The following HADHA variants were observed in gnomAD, a reference collection of about 807,000 sequenced individuals.
HADHA encodes the protein trifunctional enzyme subunit alpha, mitochondrial.
In HADHA, 59 loss-of-function variants were observed where a neutral mutation model predicts 91.3. The ratio of observed to expected loss-of-function variants is 0.65; its 90% CI spans 0.52 to 0.80. The LOEUF (loss-of-function observed/expected upper bound fraction) is 0.80, where lower values mean the gene tolerates loss of function less well. Among genes scored for constraint, HADHA ranks in the 30% least tolerant of loss-of-function variants. The probability of loss-of-function intolerance (pLI) is 0.00; values close to 1 mark genes in which losing one functional copy is unlikely to be tolerated. For missense variants in HADHA, 800 were observed against 927.6 expected, an observed-to-expected ratio of 0.86 and a Z score of 1.79; for synonymous variants, 320 against 338.9, an observed-to-expected ratio of 0.94 and a Z score of 0.61.
chr2:26,191,737 C>T (rs893435756), intron 18 of HADHA, 109 bp from the exon 19 acceptor site: 4 of 1,113,332 alleles, frequency 3.6e-6, no homozygotes, highest in Non-Finnish European at 5.5e-6. Context: ...GCTCTGTGGG[C>T]CGGTTGGTGC....
At chr2:26,194,425 CAGAG>C (rs1395746424) in intron 16 of HADHA, 141 bp downstream of exon 16, 1 of 713,366 alleles carries the variant, frequency 1.4e-6, no homozygotes, top group Admixed American at 2.0e-5. Context: ...GACTGCTGTG[CAGAG>C]AGAGGGCACC....
At chr2:26,236,378 C>CTGTG (rs1670757402) in intron 4 of HADHA, among the ~76,000 whole-genome samples, 3 of 41,400 alleles carry the variant, frequency 7.2e-5, no homozygotes, top group African/African-American at 1.9e-4. Context: ...TATATATATA[C>CTGTG]TCTGTGTGTG....
intron 13 of HADHA, among the ~76,000 whole-genome samples, chr2:26,200,710 A>T (rs1008712704): frequency 6.6e-6 from 1 of 150,574 alleles, no homozygotes; most frequent in Non-Finnish European, 1.5e-5. Flanking sequence ...CACACATAAA[A>T]ACTTAACGTT....
In HADHA at chr2:26,191,048, C is replaced by G. The variant is rs7260; in HGVS notation, c.*202G>C. 1.5e-4 allele frequency: 96 copies of G among 644,668 alleles called. No homozygotes were observed. Among genetic ancestry groups the G allele is most frequent in the African/African-American group, 1.5e-3 (82 of 55,900 alleles). 39.9% of individuals were successfully genotyped at this position (644,668 alleles called of 1,614,324 possible). A position where few individuals can be genotyped will look rare whatever the true frequency, so the allele number is the denominator to read the frequency against. ...ATGAGCAGTGGGCTCTACCTTCCAA[C>G]AGGAAGTGCAAACTAATTCGAAGTC... On this transcript the variant is annotated 3_prime_UTR_variant, in exon 20 of 20. Transcript: ENST00000380649.
At chr2:26,212,511 G>T in intron 10 of HADHA, 59 bp downstream of exon 10, 2 of 1,153,768 alleles carry the variant, frequency 1.7e-6, no homozygotes, top group Non-Finnish European at 2.6e-6. Flanking sequence ...TTATACAGAG[G>T]ATTGGATCTT....
At chr2:26,243,357 G>A (rs1246987980) in intron 1 of HADHA, 3 of 152,054 alleles carry the variant, frequency 2.0e-5, no homozygotes, top group African/African-American at 4.8e-5. Context: ...CATAACCGAA[G>A]GCTAACCGTA....
chr2:26,216,318 T>C (rs1021176700), intron 7 of HADHA, among the ~76,000 whole-genome samples: 4 of 11,306 alleles, frequency 3.5e-4, no homozygotes, highest in Non-Finnish European at 1.1e-3. Context: ...ATTTGACCTA[T>C]TTTTTTTTTT....
chr2:26,223,956 A>G (rs1670431522), intron 7 of HADHA, among the ~76,000 whole-genome samples: 1 of 152,170 alleles, frequency 6.6e-6, no homozygotes, highest in African/African-American at 2.4e-5. Context: ...CATATTGGCC[A>G]GGCTGGTCTC....
chr2:26,234,190 G>A, intron 5 of HADHA, 27 bp downstream of exon 5: 1 of 1,606,620 alleles, frequency 6.2e-7, no homozygotes, highest in Non-Finnish European at 8.5e-7. Flanking sequence ...GTTGGACAGT[G>A]TCTCAATAAC....
rs112236946 is a variant in HADHA, at chr2:26,195,081, C to T, written c.1620+11G>A. 4 of 1,608,538 alleles carry T rather than the reference C, an allele frequency of 2.5e-6. No homozygotes were observed. The highest frequency in any genetic ancestry group is 2.2e-5 in the East Asian group (1 of 44,858). On this transcript the variant is annotated intron_variant, in intron 15 of 19. Transcript: ENST00000380649. The stretch of plus-strand genomic sequence containing the variant: ...TCAAAAACTCTGCAGCTCTGTTATA[C>T]AGCCCCTTACCTTAACCACAATGAT...
chr2:26,230,163 G>T (rs1159150585), intron 7 of HADHA, 29 bp downstream of exon 7: 4 of 1,321,704 alleles, frequency 3.0e-6, no homozygotes, highest in South Asian at 1.2e-5. Flanking sequence ...ACTTTATAAG[G>T]TCTGACTCTG....
chr2:26,212,511 G>A (rs535124531), intron 10 of HADHA, 59 bp downstream of exon 10: 5 of 1,153,770 alleles, frequency 4.3e-6, no homozygotes, highest in Non-Finnish European at 6.6e-6. Flanking sequence ...TTATACAGAG[G>A]ATTGGATCTT....
intron 11 of HADHA, among the ~76,000 whole-genome samples, chr2:26,208,424 G>A (rs1346435680): frequency 1.3e-5 from 2 of 152,152 alleles, no homozygotes; most frequent in African/African-American, 4.8e-5. Context: ...TGCTCAGGCA[G>A]GAGGAGTCTG....
intron 7 of HADHA, among the ~76,000 whole-genome samples, chr2:26,218,714 T>TCA (rs1670297331): frequency 6.6e-6 from 1 of 151,932 alleles, no homozygotes; most frequent in Non-Finnish European, 1.5e-5. Context: ...GAAAATATTA[T>TCA]CAATTGAAAA....
chr2:26,212,656 G>A (rs371655958), intron 9 of HADHA, 30 bp from the exon 10 acceptor site: 66 of 1,474,986 alleles, frequency 4.5e-5, no homozygotes, highest in East Asian at 2.3e-4. Context: ...CTTGCTCAGC[G>A]TTGGAATAGA....
At chr2:26,205,199 A>G (rs1669941924) in intron 11 of HADHA, among the ~76,000 whole-genome samples, 1 of 152,196 alleles carries the variant, frequency 6.6e-6, no homozygotes, top group Admixed American at 6.5e-5. Context: ...CCATATTCCC[A>G]TAGTAAATAA....
chr2:26,201,368 G>T, intron 12 of HADHA, 48 bp from the exon 13 acceptor site: 1 of 1,327,810 alleles, frequency 7.5e-7, no homozygotes, highest in Non-Finnish European at 1.1e-6. Context: ...GGAAACTAAC[G>T]TTTATTGAAT....
At chr2:26,216,624 T>C (rs1670227983) in intron 7 of HADHA, among the ~76,000 whole-genome samples, 1 of 152,058 alleles carries the variant, frequency 6.6e-6, no homozygotes, top group African/African-American at 2.4e-5. Context: ...CCTGGACCAT[T>C]TGGCCTATTT....
At chr2:26,215,613 G>T (rs967655619) in intron 7 of HADHA, among the ~76,000 whole-genome samples, 2 of 152,190 alleles carry the variant, frequency 1.3e-5, no homozygotes, top group African/African-American at 4.8e-5. Context: ...CTGAACTGAT[G>T]ATTGCTGATC....
Sources: allele counts gnomAD v4.1 joint callset (sites outside exome capture counted in the v4.1 genomes callset), GRCh38; gene constraint gnomAD v4.1.1; transcripts MANE v1.5; gene names NCBI Gene and HGNC (gene_info 2026-07-23, HGNC 2026-07-21).